The following CHSY3 variants were observed in gnomAD, a reference collection of about 807,000 sequenced individuals.
The protein encoded by CHSY3 is N-acetylgalactosaminyl-proteoglycan 3-beta-glucuronosyltransferase 3.
A neutral mutation model predicts 67.2 loss-of-function variants in CHSY3; 35 were observed. That is an observed-to-expected ratio of 0.52 (90% confidence interval 0.40 to 0.69). The LOEUF is 0.69. CHSY3 is among the 30% of genes least tolerant of loss of function. The pLI is 0.00. For synonymous variants in CHSY3, 474 were observed against 434.7 expected, an observed-to-expected ratio of 1.09 and a Z score of -1.12; for missense variants, 1,069 against 1,138.5, an observed-to-expected ratio of 0.94 and a Z score of 0.88.
chr5:130,080,149 T>C (rs1172670342), intron 2 of CHSY3, among the ~76,000 whole-genome samples: 2 of 151,952 alleles, frequency 1.3e-5, no homozygotes, highest in African/African-American at 2.4e-5. Context: ...CATGCTACTG[T>C]TTCTGCAAGC....
At chr5:130,174,491 A>G (rs1345190770) in intron 2 of CHSY3, among the ~76,000 whole-genome samples, 1 of 152,092 alleles carries the variant, frequency 6.6e-6, no homozygotes, top group African/African-American at 2.4e-5. Flanking sequence ...TAGTTCTCAA[A>G]TTATGATCTG....
intron 2 of CHSY3, among the ~76,000 whole-genome samples, chr5:129,967,665 A>G (rs1240943748): frequency 6.6e-6 from 1 of 151,806 alleles, no homozygotes; most frequent in Non-Finnish European, 1.5e-5. Flanking sequence ...ATTAATTGGC[A>G]TGTGATTTGG....
intron 2 of CHSY3, among the ~76,000 whole-genome samples, chr5:129,999,608 A>G (rs946359156): frequency 9.9e-5 from 15 of 152,034 alleles, no homozygotes; most frequent in South Asian, 2.1e-4. Flanking sequence ...TCTTTTCCCT[A>G]TAGTCTCATT....
intron 2 of CHSY3, among the ~76,000 whole-genome samples, chr5:130,071,160 G>T (rs1276821373): frequency 6.6e-6 from 1 of 152,114 alleles, no homozygotes; most frequent in Admixed American, 6.6e-5. Flanking sequence ...TCTATAATAA[G>T]GCTGCTGAGC....
At chr5:129,951,401 C>T (rs1164259964) in intron 2 of CHSY3, among the ~76,000 whole-genome samples, 2 of 152,168 alleles carry the variant, frequency 1.3e-5, no homozygotes, top group Non-Finnish European at 2.9e-5. Context: ...CATGAGGCTA[C>T]ATCAAGTGAA....
chr5:129,904,272 T>C (rs1581346505), upstream of CHSY3, among the ~76,000 whole-genome samples: 1 of 127,286 alleles, frequency 7.9e-6, no homozygotes, highest in South Asian at 2.4e-4. Context: ...GGCTCTGGAC[T>C]GAGGCGCGGA....
intron 2 of CHSY3, among the ~76,000 whole-genome samples, chr5:130,096,748 C>A (rs1199165519): frequency 6.6e-6 from 1 of 151,998 alleles, no homozygotes; most frequent in Non-Finnish European, 1.5e-5. Flanking sequence ...CAGTTGAAAG[C>A]AGTTGTACCA....
chr5:129,945,641 A>AT (rs1360082317), intron 2 of CHSY3, among the ~76,000 whole-genome samples: 1 of 152,052 alleles, frequency 6.6e-6, no homozygotes, highest in Non-Finnish European at 1.5e-5. Flanking sequence ...AAACTTTTGG[A>AT]TTTTTCCTTC....
chr5:130,066,671 A>G (rs1056815316), intron 2 of CHSY3, among the ~76,000 whole-genome samples: 1 of 152,152 alleles, frequency 6.6e-6, no homozygotes, highest in African/African-American at 2.4e-5. Context: ...CATAACTTGC[A>G]TAGCACTTTG....
chr5:130,103,510 T>G (rs1278890197), intron 2 of CHSY3, among the ~76,000 whole-genome samples: 4 of 151,964 alleles, frequency 2.6e-5, no homozygotes, highest in African/African-American at 9.7e-5. Flanking sequence ...TATGTTTTGT[T>G]CCATTCAAGT....
chr5:130,020,442 TA>T (rs1561500342), intron 2 of CHSY3, among the ~76,000 whole-genome samples: 5,037 of 54,638 alleles, frequency 0.092, 455 homozygotes, highest in Middle Eastern at 0.17. Context: ...TATATATATA[TA>T]TATATATATA....
At chr5:130,134,467 C>T (rs1768594555) in intron 2 of CHSY3, among the ~76,000 whole-genome samples, 1 of 152,084 alleles carries the variant, frequency 6.6e-6, no homozygotes, top group Non-Finnish European at 1.5e-5. Flanking sequence ...TGACATTCAC[C>T]AATTGTAATA....
chr5:130,050,892 A>G (rs2429192), intron 2 of CHSY3, among the ~76,000 whole-genome samples: 143,684 of 152,170 alleles, frequency 0.94, 67,951 homozygotes, highest in East Asian at 1. Context: ...TGTTGCTATT[A>G]GCCATCAGTA....
At chr5:129,994,788 A>G (rs1163573047) in intron 2 of CHSY3, among the ~76,000 whole-genome samples, 3 of 151,916 alleles carry the variant, frequency 2.0e-5, no homozygotes, top group Admixed American at 6.6e-5. Flanking sequence ...TCAGCAAACT[A>G]TCGCAAGGAC....
chr5:129,939,597 A>G (rs1004914771), intron 2 of CHSY3, among the ~76,000 whole-genome samples: 2 of 152,206 alleles, frequency 1.3e-5, no homozygotes, highest in Non-Finnish European at 2.9e-5. Flanking sequence ...TCCAAATAAG[A>G]AATGAAAACC....
chr5:130,059,303 C>G (rs1259215706), intron 2 of CHSY3, among the ~76,000 whole-genome samples: 2 of 152,146 alleles, frequency 1.3e-5, no homozygotes, highest in East Asian at 3.9e-4. Flanking sequence ...TTCAAGCCTG[C>G]CAGCCTGCCG....
At chr5:129,928,983 C>G (rs758823668) in intron 2 of CHSY3, among the ~76,000 whole-genome samples, 3 of 152,216 alleles carry the variant, frequency 2.0e-5, no homozygotes, top group Non-Finnish European at 4.4e-5. Context: ...CTTATTTTAT[C>G]TCAAAGACTA....
At chr5:130,089,441 T>C (rs1031392574) in intron 2 of CHSY3, among the ~76,000 whole-genome samples, 4 of 151,972 alleles carry the variant, frequency 2.6e-5, no homozygotes, top group African/African-American at 9.7e-5. Flanking sequence ...TTTTAATAGA[T>C]TAATTAAGCA....
intron 2 of CHSY3, among the ~76,000 whole-genome samples, chr5:130,093,321 A>G (rs1766940001): frequency 6.6e-6 from 1 of 152,232 alleles, no homozygotes; most frequent in African/African-American, 2.4e-5. Flanking sequence ...AATGCATATT[A>G]TCTTGCTTTT....
Sources: allele counts gnomAD v4.1 joint callset (sites outside exome capture counted in the v4.1 genomes callset), GRCh38; gene constraint gnomAD v4.1.1; transcripts MANE v1.5; gene names NCBI Gene and HGNC (gene_info 2026-07-23, HGNC 2026-07-21).